The following LUZP2 variants were observed in gnomAD, a reference collection of about 807,000 sequenced individuals.
The protein encoded by LUZP2 is leucine zipper protein 2.
In LUZP2, 52 loss-of-function variants were observed where a neutral mutation model predicts 51.6. The observed-to-expected ratio is 1.01, with a 90% CI of 0.81 to 1.27. The LOEUF (loss-of-function observed/expected upper bound fraction) is 1.27, where lower values mean the gene tolerates loss of function less well. Among genes scored for constraint, LUZP2 ranks in the 50% most tolerant of loss-of-function variants. The pLI is 0.00. For synonymous variants in LUZP2, 154 were observed against 137.3 expected, an observed-to-expected ratio of 1.12 and a Z score of -0.85; for missense variants, 436 against 395.4, an observed-to-expected ratio of 1.10 and a Z score of -0.87.
chr11:24,826,190 A>AAATATATATATATATAT lies in LUZP2; in HGVS notation c.396+62883_396+62884insATATATATATATATATA, dbSNP rs1215786412. On this transcript the variant is annotated intron_variant, in intron 5 of 11. Coordinates refer to ENST00000336930, the MANE Select transcript of LUZP2 (RefSeq NM_001009909.4). ...GACTCCATCTCAAAAAAAAAAAAAA[A>AAATATATATATATATAT]ATATATATATATATATATAGTAAAA... is the stretch of plus-strand genomic sequence containing the variant. Among the ~76,000 whole-genome samples the AAATATATATATATATAT allele has an allele frequency of 1.2e-4, 8 of 67,546 alleles. No individual in the cohort carries two copies. In the East Asian group the frequency reaches 2.8e-3, roughly 24 times the overall value. The allele number at this position is 67,546 out of a possible 152,430, so 44.3% of individuals were successfully genotyped here.
chr11:24,680,974 T>C (rs1350193713), intron 1 of LUZP2, among the ~76,000 whole-genome samples: 66 of 924 alleles, frequency 0.071, no homozygotes, highest in African/African-American at 0.11. Context: ...TCTTTCTTTA[T>C]TTTTTTTTTT....
intron 5 of LUZP2, among the ~76,000 whole-genome samples, chr11:24,819,078 G>A (rs1850278467): frequency 6.6e-6 from 1 of 151,978 alleles, no homozygotes; most frequent in Non-Finnish European, 1.5e-5. Flanking sequence ...CACAATCTGG[G>A]TGCCTGGGAA....
intron 9 of LUZP2, among the ~76,000 whole-genome samples, chr11:25,026,273 C>G (rs561078534): frequency 7.9e-5 from 12 of 151,908 alleles, no homozygotes; most frequent in African/African-American, 2.9e-4. Context: ...CACATGTACC[C>G]TAGACCTTAA....
chr11:24,687,345 G>T (rs879450574), intron 1 of LUZP2, among the ~76,000 whole-genome samples: 1 of 152,056 alleles, frequency 6.6e-6, no homozygotes, highest in Non-Finnish European at 1.5e-5. Context: ...CATTGTCATA[G>T]GCAAAAATCA....
intron 1 of LUZP2, among the ~76,000 whole-genome samples, chr11:24,536,164 A>G (rs1851171674): frequency 6.6e-6 from 1 of 151,700 alleles, no homozygotes; most frequent in South Asian, 2.1e-4. Flanking sequence ...TGTATTTTTA[A>G]CATGCCGGCA....
chr11:24,602,952 A>G (rs144496764), intron 1 of LUZP2, among the ~76,000 whole-genome samples: 1 of 151,924 alleles, frequency 6.6e-6, no homozygotes, highest in African/African-American at 2.4e-5. Context: ...AACAATGTAA[A>G]TGTTTATATT....
intron 1 of LUZP2, among the ~76,000 whole-genome samples, chr11:24,711,721 T>C (rs1428863483): frequency 6.6e-6 from 1 of 152,140 alleles, no homozygotes; most frequent in Non-Finnish European, 1.5e-5. Flanking sequence ...AAAGGCAACA[T>C]AGTTTTTTCC....
chr11:24,685,392 C>T (rs1856867463), intron 1 of LUZP2, among the ~76,000 whole-genome samples: 1 of 152,034 alleles, frequency 6.6e-6, no homozygotes, highest in African/African-American at 2.4e-5. Context: ...TAATTACTAT[C>T]TCTTCTCATC....
intron 9 of LUZP2, among the ~76,000 whole-genome samples, chr11:25,018,164 G>C (rs1388836492): frequency 2.6e-5 from 4 of 151,684 alleles, no homozygotes; most frequent in Admixed American, 6.6e-5. Flanking sequence ...ATTGATACTT[G>C]AGACTTCTCT....
chr11:24,867,160 A>G (rs989853920), intron 5 of LUZP2, among the ~76,000 whole-genome samples: 1 of 152,162 alleles, frequency 6.6e-6, no homozygotes. Flanking sequence ...CACTTCCACC[A>G]GAGGAAAGAG....
chr11:24,717,719 A>G lies in LUZP2; in HGVS notation c.63-11450A>G, dbSNP rs373011917. ...CGTGAGCCACCGCGCCCGGCCCCCAATAGTTATCTCTTCTATTCCTCTCCC... is the reference window on the plus strand; with the variant it reads ...CGTGAGCCACCGCGCCCGGCCCCCAGTAGTTATCTCTTCTATTCCTCTCCC... On this transcript the variant is annotated intron_variant, in intron 1 of 11. Transcript: ENST00000336930. 6.1e-4 allele frequency among the ~76,000 whole-genome samples: 93 copies of G among 151,842 alleles called. 1 individual carries two copies. In the South Asian group the frequency reaches 0.011, roughly 17 times the overall value.
intron 9 of LUZP2, among the ~76,000 whole-genome samples, chr11:25,015,818 G>A (rs1014635352): frequency 1.3e-5 from 2 of 150,498 alleles, no homozygotes; most frequent in South Asian, 2.1e-4. Context: ...CATTTACTAT[G>A]TATTTACTTC....
intron 5 of LUZP2, among the ~76,000 whole-genome samples, chr11:24,778,031 A>C (rs955674301): frequency 6.6e-6 from 1 of 152,146 alleles, no homozygotes; most frequent in African/African-American, 2.4e-5. Flanking sequence ...TATTTCTATA[A>C]GTATCATAAA....
rs566411187 is a variant in LUZP2 at position 24,878,709 on chromosome 11, G to A, written c.397-27282G>A. Among the ~76,000 whole-genome samples the A allele has an allele frequency of 3.3e-5, 5 of 151,716 alleles. No homozygotes were observed. The East Asian group carries it at 9.7e-4, about 29-fold the overall frequency. On this transcript the variant is annotated intron_variant, in intron 5 of 11. Coordinates refer to ENST00000336930, the MANE Select transcript of LUZP2 (RefSeq NM_001009909.4). ...CAGAAAGTACAGGTTTTTTACGTAG[G>A]TATACCTGTGCCATGGCGCTTTGCT...
At chr11:25,042,352 C>T (rs780094296) in intron 9 of LUZP2, among the ~76,000 whole-genome samples, 12 of 151,844 alleles carry the variant, frequency 7.9e-5, no homozygotes, top group East Asian at 1.9e-4. Context: ...GTTTTCATAA[C>T]GTTTAACATG....
At chr11:24,821,493 C>T (rs1359930060) in intron 5 of LUZP2, among the ~76,000 whole-genome samples, 2 of 152,070 alleles carry the variant, frequency 1.3e-5, no homozygotes, top group African/African-American at 4.8e-5. Flanking sequence ...TCAGCTGATA[C>T]TGAGCTTTAT....
intron 5 of LUZP2, among the ~76,000 whole-genome samples, chr11:24,890,453 T>G (rs888041706): frequency 3.9e-5 from 6 of 152,186 alleles, no homozygotes; most frequent in Non-Finnish European, 5.9e-5. Context: ...CTTAAACAAG[T>G]GGAATCACCA....
chr11:24,736,376 T>C (rs1858937553), intron 3 of LUZP2, among the ~76,000 whole-genome samples: 1 of 151,998 alleles, frequency 6.6e-6, no homozygotes. Flanking sequence ...ATTTTGTCAT[T>C]TTAATTATAA....
Position 24,564,659 on chromosome 11 carries a change from A to G in LUZP2, c.62+67354A>G, listed in dbSNP as rs115619019. Among the ~76,000 whole-genome samples the G allele has an allele frequency of 3.6e-3, 545 of 152,252 alleles. 3 individuals are homozygous for G. Among genetic ancestry groups the G allele is most frequent in the African/African-American group, 0.012 (513 of 41,556 alleles). ...GGTCAGTCTCATTTATCTAGAAGCTACTGTTGATAAAGTGTTTGAGGGGAA... is the reference window on the plus strand; with the variant it reads ...GGTCAGTCTCATTTATCTAGAAGCTGCTGTTGATAAAGTGTTTGAGGGGAA... On this transcript the variant is annotated intron_variant, in intron 1 of 11. Coordinates refer to ENST00000336930, the MANE Select transcript of LUZP2 (RefSeq NM_001009909.4).
Sources: allele counts gnomAD v4.1 joint callset (sites outside exome capture counted in the v4.1 genomes callset), GRCh38; gene constraint gnomAD v4.1.1; transcripts MANE v1.5; gene names NCBI Gene and HGNC (gene_info 2026-07-23, HGNC 2026-07-21).